Variants in GPC6 observed in about 807,000 individuals in gnomAD.
The protein encoded by GPC6 is glypican 6, also known as glypican-6.
In GPC6, 14 loss-of-function variants were observed where a neutral mutation model predicts 55.2. That is an observed-to-expected ratio of 0.25 (90% CI 0.17 to 0.40). The LOEUF (loss-of-function observed/expected upper bound fraction) is 0.40. Ranked by LOEUF, GPC6 falls within the 10% of genes least tolerant of loss-of-function variation. The pLI, the probability that GPC6 is intolerant of heterozygous loss-of-function variation, is 1.00. For synonymous variants in GPC6, 278 were observed against 259.6 expected, an observed-to-expected ratio of 1.07 and a Z score of -0.68; for missense variants, 641 against 708.5, an observed-to-expected ratio of 0.90 and a Z score of 1.08.
chr13:93,581,432 G>C (rs1218867528), intron 2 of GPC6, among the ~76,000 whole-genome samples: 1 of 152,192 alleles, frequency 6.6e-6, no homozygotes, highest in African/African-American at 2.4e-5. Context: ...ATCTCCGCCA[G>C]GTATTGTGGC....
intron 4 of GPC6, among the ~76,000 whole-genome samples, chr13:94,072,474 C>G (rs1400815668): frequency 6.6e-6 from 1 of 152,162 alleles, no homozygotes; most frequent in Non-Finnish European, 1.5e-5. Flanking sequence ...CTGCGTCAGC[C>G]TGCCAAGTAG....
At chr13:93,646,123 A>C (rs1880159253) in intron 2 of GPC6, among the ~76,000 whole-genome samples, 1 of 152,166 alleles carries the variant, frequency 6.6e-6, no homozygotes, top group South Asian at 2.1e-4. Context: ...TTCAGGAATA[A>C]AAAGAAGGCC....
chr13:93,959,999 A>G (rs1879692464), intron 3 of GPC6, among the ~76,000 whole-genome samples: 1 of 152,162 alleles, frequency 6.6e-6, no homozygotes, highest in Admixed American at 6.5e-5. Context: ...CTCATGAGGG[A>G]AAGAACTGGT....
intron 4 of GPC6, among the ~76,000 whole-genome samples, chr13:94,032,034 T>C (rs569670411): frequency 6.6e-6 from 1 of 152,284 alleles, no homozygotes; most frequent in East Asian, 1.9e-4. Context: ...GAGGCAAAGG[T>C]TGATGAGACA....
chr13:93,305,020 C>A (rs902679781), intron 1 of GPC6, among the ~76,000 whole-genome samples: 2 of 152,182 alleles, frequency 1.3e-5, no homozygotes, highest in Admixed American at 1.3e-4. Context: ...CAGGATCATT[C>A]TCTACTTTCT....
At chr13:93,224,717 C>T (rs1228542145), upstream of GPC6, among the ~76,000 whole-genome samples, 1 of 152,154 alleles carries the variant, frequency 6.6e-6, no homozygotes, top group East Asian at 1.9e-4. Context: ...CTGTGGCTCT[C>T]AGTGTTAACT....
intron 6 of GPC6, among the ~76,000 whole-genome samples, chr13:94,356,161 A>C (rs369933306): frequency 6.6e-6 from 1 of 152,338 alleles, no homozygotes; most frequent in East Asian, 1.9e-4. Context: ...CATGCTGTAC[A>C]TGTACCATAT....
intron 6 of GPC6, among the ~76,000 whole-genome samples, chr13:94,345,697 C>G (rs1345080702): frequency 6.6e-6 from 1 of 152,152 alleles, no homozygotes; most frequent in African/African-American, 2.4e-5. Flanking sequence ...TGAGAACATC[C>G]ACCTGTCAGG....
At chr13:93,832,036 G>C (rs1341185708) in intron 3 of GPC6, among the ~76,000 whole-genome samples, 1 of 131,676 alleles carries the variant, frequency 7.6e-6, no homozygotes, top group Non-Finnish European at 1.5e-5. Context: ...CTTGCAGTGA[G>C]CTGAGATCGA....
chr13:94,175,927 C>G (rs1017592308), intron 4 of GPC6, among the ~76,000 whole-genome samples: 2 of 109,320 alleles, frequency 1.8e-5, no homozygotes, highest in Admixed American at 1.0e-4. Context: ...AAGGGAGTAT[C>G]CAAATGAGCC....
At chr13:93,541,849 C>A (rs1450148805) in intron 1 of GPC6, among the ~76,000 whole-genome samples, 2 of 150,712 alleles carry the variant, frequency 1.3e-5, no homozygotes, top group African/African-American at 4.9e-5. Flanking sequence ...CTGTTCATGT[C>A]CTTTGCCCAC....
intron 2 of GPC6, among the ~76,000 whole-genome samples, chr13:93,672,512 T>C (rs1430631006): frequency 1.3e-5 from 2 of 151,790 alleles, no homozygotes; most frequent in African/African-American, 2.4e-5. Context: ...AGAGTAAAAA[T>C]TGGATTTTTT....
chr13:93,226,897 G>GTTAA lies in GPC6; in HGVS notation c.-559_-556dup, dbSNP rs1469615008. The GTTAA allele has an allele frequency of 6.6e-6, 1 of 152,486 alleles. No individual in the cohort carries two copies. Among genetic ancestry groups the GTTAA allele is most frequent in the Non-Finnish European group, 1.5e-5 (1 of 68,064 alleles). 9.4% of individuals were successfully genotyped at this position (152,486 alleles called of 1,614,324 possible). A position where few individuals can be genotyped will look rare whatever the true frequency, so the allele number is the denominator to read the frequency against. ...ACTCTCACAGGCTCCCACAGCCTGT[G>GTTAA]TTAAGCTGAGGTTTCCCCTAGATCT... On this transcript the variant is annotated 5_prime_UTR_variant, in exon 1 of 9. Coordinates refer to ENST00000377047, the MANE Select transcript of GPC6 (RefSeq NM_005708.5).
chr13:93,585,231 C>T (rs1377199797), intron 2 of GPC6, among the ~76,000 whole-genome samples: 6 of 152,044 alleles, frequency 3.9e-5, no homozygotes, highest in Admixed American at 2.0e-4. Flanking sequence ...AATTGCTTTT[C>T]AGCTTTTCTC....
At chr13:93,988,519 G>C (rs1421681361) in intron 3 of GPC6, among the ~76,000 whole-genome samples, 2 of 152,184 alleles carry the variant, frequency 1.3e-5, no homozygotes, top group Non-Finnish European at 2.9e-5. Context: ...ACAGCTAGGA[G>C]GCTGGGAAAT....
chr13:93,348,554 C>G (rs923989678), intron 1 of GPC6, among the ~76,000 whole-genome samples: 1 of 152,152 alleles, frequency 6.6e-6, no homozygotes, highest in Non-Finnish European at 1.5e-5. Context: ...GCACTGCAAT[C>G]CACATTAGTG....
intron 5 of GPC6, among the ~76,000 whole-genome samples, chr13:94,292,390 G>A (rs1419097124): frequency 6.6e-6 from 1 of 152,168 alleles, no homozygotes. Context: ...AACCTGCAAT[G>A]AGAAGGTAAG....
At chr13:93,469,293 CATT>C (rs1342316666) in intron 1 of GPC6, among the ~76,000 whole-genome samples, 3 of 151,788 alleles carry the variant, frequency 2.0e-5, no homozygotes, top group Non-Finnish European at 4.4e-5. Flanking sequence ...TGGTTTTTGT[CATT>C]GTTGTTGCAC....
At chr13:93,954,379 A>G (rs1879401376) in intron 3 of GPC6, among the ~76,000 whole-genome samples, 2 of 152,178 alleles carry the variant, frequency 1.3e-5, no homozygotes, top group South Asian at 4.1e-4. Context: ...TAGTGGCACA[A>G]TCTTAGCTCC....
Sources: allele counts gnomAD v4.1 joint callset (sites outside exome capture counted in the v4.1 genomes callset), GRCh38; gene constraint gnomAD v4.1.1; transcripts MANE v1.5; gene names NCBI Gene and HGNC (gene_info 2026-07-23, HGNC 2026-07-21).